Variants in HERC2 observed in about 807,000 individuals in gnomAD.
HERC2 encodes the protein E3 ubiquitin-protein ligase HERC2.
HERC2 carries 102 observed loss-of-function variants against 537.7 expected under a neutral mutation model. The observed-to-expected ratio is 0.19, with a 90% CI of 0.16 to 0.22. HERC2 has a LOEUF of 0.22. HERC2 is among the 10% of genes least tolerant of loss of function. The pLI is 1.00. For synonymous variants in HERC2, 2,224 were observed against 2,466.2 expected (o/e 0.90, Z 2.91); for missense variants, 4,236 against 6,198.2 (o/e 0.68, Z 10.63).
chr15:28,117,262 G>T, intron 86 of HERC2, 108 bp from the exon 87 acceptor site: 1 of 1,105,058 alleles, frequency 9.0e-7, no homozygotes, highest in Non-Finnish European at 1.4e-6. Flanking sequence ...CCGTGCATGG[G>T]CCCCTCCCTG....
chr15:28,150,771 T>C (rs1325822971), intron 70 of HERC2, among the ~76,000 whole-genome samples: 1 of 150,480 alleles, frequency 6.6e-6, no homozygotes, highest in African/African-American at 2.4e-5. Flanking sequence ...TATATTCTAG[T>C]AAAATTACTG....
intron 2 of HERC2, among the ~76,000 whole-genome samples, chr15:28,311,927 G>C (rs2076956280): frequency 6.6e-6 from 1 of 152,096 alleles, no homozygotes; most frequent in African/African-American, 2.4e-5. Flanking sequence ...CAAGGAGGAA[G>C]CCCAGTTTAC....
intron 52 of HERC2, among the ~76,000 whole-genome samples, chr15:28,193,955 T>C (rs1267937875): frequency 1.3e-5 from 2 of 151,402 alleles, no homozygotes; most frequent in African/African-American, 4.9e-5. Flanking sequence ...AGATGGAAAA[T>C]TAAAGAGGAA....
chr15:28,192,452 A>C (rs889189059), intron 52 of HERC2, among the ~76,000 whole-genome samples: 1 of 152,224 alleles, frequency 6.6e-6, no homozygotes, highest in Admixed American at 6.5e-5. Flanking sequence ...CAGCACTCAC[A>C]AAAACCATTC....
Position 28,265,958 on chromosome 15 carries a change from T to C in HERC2, c.1615A>G (p.Lys539Glu), listed in dbSNP as rs1243268793. The stretch of plus-strand genomic sequence containing the variant: ...TTTCCAGAGAAGGCGGAGATCACCT[T>C]AGGCTCCTCCAAAGGCCTTGGGGAG... ...HGDTVPLEEPKVISAFSGKQA... is the reference protein window; with the variant it reads ...HGDTVPLEEPEVISAFSGKQA... The change falls in exon 13 of 93, where the codon AAG becomes GAG. Residue 539 changes from lysine to glutamate, a missense_variant. Transcript: ENST00000261609. The surrounding 1 kb of genome is among the most constrained non-coding windows in gnomAD (Gnocchi z 4.0). 1.2e-6 allele frequency: 2 copies of C among 1,614,144 alleles called. No individual in the cohort carries two copies. Among genetic ancestry groups the C allele is most frequent in the Non-Finnish European group, 1.7e-6 (2 of 1,180,014 alleles).
intron 12 of HERC2, among the ~76,000 whole-genome samples, chr15:28,266,576 T>G (rs2075573395): frequency 1.3e-5 from 2 of 152,050 alleles, no homozygotes; most frequent in South Asian, 4.1e-4. Flanking sequence ...AAAACCATGG[T>G]CCATCTGCAA....
At chr15:28,126,672 C>T (rs576785880) in intron 83 of HERC2, among the ~76,000 whole-genome samples, 4 of 152,108 alleles carry the variant, frequency 2.6e-5, no homozygotes, top group East Asian at 3.9e-4. Context: ...GAGGATGCAA[C>T]GGCATAAGAA....
At chr15:28,299,959 A>T (rs1596433794) in intron 2 of HERC2, among the ~76,000 whole-genome samples, 1 of 151,684 alleles carries the variant, frequency 6.6e-6, no homozygotes, top group East Asian at 1.9e-4. Flanking sequence ...AAGCTGAGGC[A>T]GGAGAATTGC....
chr15:28,264,524 G>T (rs2075507719), intron 14 of HERC2, among the ~76,000 whole-genome samples: 1 of 152,146 alleles, frequency 6.6e-6, no homozygotes, highest in African/African-American at 2.4e-5. Flanking sequence ...TACTTCTACT[G>T]TAACAGTCGC....
intron 14 of HERC2, among the ~76,000 whole-genome samples, chr15:28,264,020 C>CAA (rs34823980): frequency 1.1e-4 from 9 of 83,698 alleles, no homozygotes; most frequent in African/African-American, 1.4e-4. Flanking sequence ...CTTTGTCTTA[C>CAA]AAAAAAAAAA....
chr15:28,139,885 C>G (rs971920992), intron 78 of HERC2, among the ~76,000 whole-genome samples: 5 of 149,568 alleles, frequency 3.3e-5, no homozygotes, highest in Admixed American at 1.3e-4. Flanking sequence ...ATGGCGAAAC[C>G]CCATCTCTAC....
intron 81 of HERC2, among the ~76,000 whole-genome samples, chr15:28,130,795 G>A (rs981557027): frequency 7.9e-5 from 12 of 152,194 alleles, no homozygotes; most frequent in Admixed American, 2.0e-4. Flanking sequence ...CAGCACACCC[G>A]TTGGCACACT....
Position 28,176,822 on chromosome 15 carries a change from T to C in HERC2, c.9433-54A>G. On this transcript the variant is annotated intron_variant, in intron 61 of 92. Transcript: ENST00000261609. The surrounding 1 kb of genome is among the most constrained non-coding windows in gnomAD (Gnocchi z 5.0). ...TCACGCACAGGCACGGAGAAAGCAA[T>C]GGATTTTCCCACAGATAAAGCCAAC... 1.3e-6 allele frequency: 2 copies of C among 1,595,132 alleles called. No individual in the cohort carries two copies. Among genetic ancestry groups the C allele is most frequent in the Non-Finnish European group, 1.7e-6 (2 of 1,165,548 alleles).
chr15:28,318,024 G>A (rs2077134990), intron 2 of HERC2, among the ~76,000 whole-genome samples: 1 of 152,152 alleles, frequency 6.6e-6, no homozygotes, highest in Non-Finnish European at 1.5e-5. Context: ...TGCAAGAAGG[G>A]GCAGGATAAC....
chr15:28,145,223 C>T (rs1891611486), intron 71 of HERC2, among the ~76,000 whole-genome samples: 1 of 152,236 alleles, frequency 6.6e-6, no homozygotes, highest in Non-Finnish European at 1.5e-5. Context: ...AGAACCCTAG[C>T]TCTCCCAACA....
Position 28,254,394 on chromosome 15 carries a change from T to G in HERC2, c.2996A>C (p.Glu999Ala). The G allele has an allele frequency of 1.9e-6, 3 of 1,608,424 alleles. No individual in the cohort carries two copies. The highest frequency in any genetic ancestry group is 2.5e-6 in the Non-Finnish European group (3 of 1,177,814). Reference sequence around the variant, plus strand: ...AGGCAAACACTGTTTGCCAGAAGACTCACAGATCCCCGTATTAATAAGGTC... The same window carrying G: ...AGGCAAACACTGTTTGCCAGAAGACGCACAGATCCCCGTATTAATAAGGTC... ...DKDLINTGIC[E>A]SSGKQCLPLV... The change falls in exon 20 of 93, where the codon GAG (glutamate) becomes GCG (alanine). Residue 999 changes from glutamate to alanine, a missense_variant. Coordinates refer to ENST00000261609, the MANE Select transcript of HERC2 (RefSeq NM_004667.6).
rs777469718 is a variant in HERC2 at position 28,269,481 on chromosome 15, T to TA, written c.1258-46dup. Reference sequence around the variant, plus strand: ...ACATTTCCTTTAACAACAACAACAATAAAAAAAGGCTGGGAGTAACACTGA... The same window carrying TA: ...ACATTTCCTTTAACAACAACAACAATAAAAAAAAGGCTGGGAGTAACACTGA... On this transcript the variant is annotated intron_variant, in intron 10 of 92. Transcript: ENST00000261609. The TA allele has an allele frequency of 6.1e-6, 9 of 1,468,150 alleles. No homozygotes were observed. In the African/African-American group the frequency reaches 7.0e-5, roughly 11 times the overall value. 90.9% of individuals were successfully genotyped at this position (1,468,150 alleles called of 1,614,324 possible).
chr15:28,227,417 A>G (rs1157644913), intron 35 of HERC2, among the ~76,000 whole-genome samples: 1 of 151,760 alleles, frequency 6.6e-6, no homozygotes, highest in African/African-American at 2.4e-5. Flanking sequence ...CAAAATCACA[A>G]TGAGACACCA....
chr15:28,176,612 AAC>A lies in HERC2; in HGVS notation c.9515-15_9515-14del, dbSNP rs749025615. ...GAAAATACCAAACCTAGGTTTAAGAAACACATATACTTCAGGCCAGCGTTTCA... is the reference window on the plus strand; with the variant it reads ...GAAAATACCAAACCTAGGTTTAAGAAACATATACTTCAGGCCAGCGTTTCA... On this transcript the variant is annotated splice_polypyrimidine_tract_variant and intron_variant, in intron 62 of 92. Transcript: ENST00000261609. This position sits in a 1 kb window ranked among gnomAD's most constrained non-coding sequence, Gnocchi z 5.0. The A allele has an allele frequency of 3.1e-6, 5 of 1,613,992 alleles. No homozygotes were observed. In the Admixed American group the frequency reaches 6.7e-5, roughly 22 times the overall value.
Sources: gnomAD v4.1 joint callset for allele counts (sites outside exome capture counted in the v4.1 genomes callset) on GRCh38, gnomAD v4.1.1 for gene constraint, Gnocchi (gnomAD v3.1) non-coding constraint, MANE v1.5 for transcripts, NCBI Gene and HGNC (gene_info 2026-07-23, HGNC 2026-07-21) for gene names.